The following PFKFB3 variants were observed in gnomAD, a reference collection of about 807,000 sequenced individuals.
PFKFB3 encodes the protein 6-phosphofructo-2-kinase/fructose-2,6-biphosphatase 3.
A neutral mutation model predicts 68.0 loss-of-function variants in PFKFB3; 33 were observed. The observed-to-expected ratio is 0.49, with a 90% confidence interval of 0.37 to 0.65. PFKFB3 has a LOEUF of 0.65. Among genes scored for constraint, PFKFB3 ranks in the 30% least tolerant of loss-of-function variants. The pLI, the probability that PFKFB3 is intolerant of heterozygous loss-of-function variation, is 0.00. For missense variants in PFKFB3, 586 were observed against 712.2 expected (o/e 0.82, Z 2.02); for synonymous variants, 315 against 288.2 (o/e 1.09, Z -0.94).
chr10:6,261,487 A>C, the PFKFB3 span, among the ~76,000 whole-genome samples: 1 of 152,238 alleles, frequency 6.6e-6, no homozygotes, highest in East Asian at 1.9e-4. Flanking sequence ...ATGAGAATGC[A>C]TGGACACAAA....
chr10:6,284,889 T>C, the PFKFB3 span, among the ~76,000 whole-genome samples: 2 of 152,276 alleles, frequency 1.3e-5, no homozygotes, highest in Non-Finnish European at 2.9e-5. Context: ...TTTTAAGGTT[T>C]ATCTATGTTA....
At chr10:6,258,209 T>C (rs555822859), downstream of PFKFB3, among the ~76,000 whole-genome samples, 129 of 152,230 alleles carry the variant, frequency 8.5e-4, no homozygotes, top group African/African-American at 3.0e-3. Flanking sequence ...AAAAGAAATA[T>C]GTGTATGCAC....
chr10:6,308,448 A>G, the PFKFB3 span, among the ~76,000 whole-genome samples: 1 of 152,170 alleles, frequency 6.6e-6, no homozygotes, highest in African/African-American at 2.4e-5. Flanking sequence ...CCTGGGAGAC[A>G]GAGGTTGCAA....
intron 14 of PFKFB3, among the ~76,000 whole-genome samples, chr10:6,253,378 TACTC>T (rs955137930): frequency 1.2e-4 from 19 of 152,306 alleles, no homozygotes; most frequent in African/African-American, 4.6e-4. Flanking sequence ...AAAAACAAAT[TACTC>T]TCTCTATTAA....
chr10:6,245,967 A>G (rs1174052375), intron 14 of PFKFB3: 1 of 152,242 alleles, frequency 6.6e-6, no homozygotes, highest in Non-Finnish European at 1.5e-5. Flanking sequence ...AGCTACGGCT[A>G]ACTGATAAGA....
At chr10:6,174,841 G>A (rs1842417002) in intron 1 of PFKFB3, among the ~76,000 whole-genome samples, 1 of 150,176 alleles carries the variant, frequency 6.7e-6, no homozygotes, top group South Asian at 2.1e-4. Flanking sequence ...TTTTTAATAC[G>A]GAGTCTCACT....
chr10:6,145,501 C>A (rs1210684338), intron 1 of PFKFB3, among the ~76,000 whole-genome samples: 1 of 152,162 alleles, frequency 6.6e-6, no homozygotes, highest in South Asian at 2.1e-4. Flanking sequence ...GCTCCGGACC[C>A]GGAGAGACCC....
rs1312818877 is a variant in PFKFB3, at chr10:6,215,432, A to T, written c.299+115A>T. 4 of 764,026 alleles carry T rather than the reference A, an allele frequency of 5.2e-6. No homozygotes were observed. The highest frequency in any genetic ancestry group is 8.9e-6 in the Non-Finnish European group (4 of 450,036). The allele number at this position is 764,026 out of a possible 1,614,324, so 47.3% of individuals were successfully genotyped here. A position where few individuals can be genotyped will look rare whatever the true frequency, so the allele number is the denominator to read the frequency against. On this transcript the variant is annotated intron_variant, in intron 3 of 14. Coordinates refer to ENST00000379775, the MANE Select transcript of PFKFB3 (RefSeq NM_004566.4). This position sits in a 1 kb window ranked among gnomAD's most constrained non-coding sequence, Gnocchi z 4.3. Reference sequence around the variant, plus strand: ...GCGGGCGTAGGGCTGGGCTGTGGGAATAAGGCTGGGCTGCGGGGCTGCGGG... The same window carrying T: ...GCGGGCGTAGGGCTGGGCTGTGGGATTAAGGCTGGGCTGCGGGGCTGCGGG...
chr10:6,301,474 GT>G, the PFKFB3 span, among the ~76,000 whole-genome samples: 1 of 152,176 alleles, frequency 6.6e-6, no homozygotes, highest in Non-Finnish European at 1.5e-5. Flanking sequence ...AAATAAACTT[GT>G]TTTTAGTGCC....
chr10:6,168,360 G>A (rs941966946), intron 1 of PFKFB3, among the ~76,000 whole-genome samples: 13 of 152,158 alleles, frequency 8.5e-5, no homozygotes, highest in African/African-American at 2.9e-4. Context: ...GAGGCAGAAC[G>A]GTGGCTTCAG....
At chr10:6,179,082 C>T (rs990288809) in intron 1 of PFKFB3, among the ~76,000 whole-genome samples, 5 of 152,236 alleles carry the variant, frequency 3.3e-5, no homozygotes, top group Non-Finnish European at 5.9e-5. Context: ...CTGCCGTATT[C>T]AATAAAAGGG....
intron 1 of PFKFB3, among the ~76,000 whole-genome samples, chr10:6,158,625 G>A (rs1280308991): frequency 6.6e-6 from 1 of 152,112 alleles, no homozygotes; most frequent in Non-Finnish European, 1.5e-5. Context: ...TAGCACTTTG[G>A]GAGGCCTAGG....
Position 6,215,131 on chromosome 10 carries a change from G to A in PFKFB3, c.203-90G>A. The A allele has an allele frequency of 9.3e-7, 1 of 1,078,796 alleles. No individual in the cohort carries two copies. The allele number at this position is 1,078,796 out of a possible 1,614,324, so 66.8% of individuals were successfully genotyped here. On this transcript the variant is annotated intron_variant, in intron 2 of 14. Transcript: ENST00000379775. This position sits in a 1 kb window ranked among gnomAD's most constrained non-coding sequence, Gnocchi z 4.3. ...TCAAGTCGGTGTGGTTGGCCTGGTG[G>A]CTCTTCCTTTGGTCGATCCTATGGT...
the PFKFB3 span, among the ~76,000 whole-genome samples, chr10:6,268,444 G>A: frequency 6.6e-6 from 1 of 151,874 alleles, no homozygotes; most frequent in African/African-American, 2.4e-5. Flanking sequence ...GGCCAACATG[G>A]AGAAACCCCA....
In PFKFB3 at chr10:6,220,536, C is replaced by T. The variant is rs2131978489; in HGVS notation, c.624-122C>T. On this transcript the variant is annotated intron_variant, in intron 7 of 14. Coordinates refer to ENST00000379775, the MANE Select transcript of PFKFB3 (RefSeq NM_004566.4). The surrounding 1 kb of genome is among the most constrained non-coding windows in gnomAD (Gnocchi z 4.1). ...CCCCTTAGAAGGATTCAGTCTGTGC[C>T]CTGGAGGGGCCTACGGTCCCGCCTT... 1 of 808,874 alleles carries T rather than the reference C, an allele frequency of 1.2e-6. No individual in the cohort carries two copies. Among genetic ancestry groups the T allele is most frequent in the Non-Finnish European group, 2.0e-6 (1 of 489,568 alleles). The allele number at this position is 808,874 out of a possible 1,614,324, so 50.1% of individuals were successfully genotyped here. A position where few individuals can be genotyped will look rare whatever the true frequency, so the allele number is the denominator to read the frequency against.
the PFKFB3 span, among the ~76,000 whole-genome samples, chr10:6,308,153 T>C: frequency 6.6e-6 from 1 of 152,220 alleles, no homozygotes; most frequent in African/African-American, 2.4e-5. Context: ...GAAAGCATCA[T>C]TGTTTGATTT....
the PFKFB3 span, among the ~76,000 whole-genome samples, chr10:6,296,460 T>G: frequency 6.6e-6 from 1 of 152,100 alleles, no homozygotes; most frequent in Non-Finnish European, 1.5e-5. Flanking sequence ...TGAAAGCAAG[T>G]TTATTAAGAA....
intron 1 of PFKFB3, among the ~76,000 whole-genome samples, chr10:6,145,557 C>T (rs544540276): frequency 1.3e-5 from 2 of 152,246 alleles, no homozygotes; most frequent in East Asian, 3.9e-4. Context: ...TTGGTGGGCT[C>T]GGGGGCACGG....
At chr10:6,170,132 C>G (rs531269685) in intron 1 of PFKFB3, among the ~76,000 whole-genome samples, 1 of 152,092 alleles carries the variant, frequency 6.6e-6, no homozygotes. Flanking sequence ...CGATGGTTTT[C>G]CTTTTAAGCA....
Sources: allele counts gnomAD v4.1 joint callset (sites outside exome capture counted in the v4.1 genomes callset), GRCh38; gene constraint gnomAD v4.1.1; non-coding constraint Gnocchi (gnomAD v3.1); transcripts MANE v1.5; gene names NCBI Gene and HGNC (gene_info 2026-07-23, HGNC 2026-07-21).